Variants in PLD5 observed in about 807,000 individuals in gnomAD.
PLD5 encodes phospholipase D family member 5.
In PLD5, 36 loss-of-function variants were observed where a neutral mutation model predicts 61.1. The ratio of observed to expected loss-of-function variants is 0.59; its 90% CI spans 0.45 to 0.78. The LOEUF is 0.78. Among genes scored for constraint, PLD5 ranks in the 30% least tolerant of loss-of-function variants. The probability of loss-of-function intolerance (pLI) is 0.00; values close to 1 mark genes in which losing one functional copy is unlikely to be tolerated. For synonymous variants in PLD5, 243 were observed against 242.8 expected, an observed-to-expected ratio of 1.00 and a Z score of -0.01; for missense variants, 515 against 644.4, an observed-to-expected ratio of 0.80 and a Z score of 2.17.
chr1:242,423,663 C>A (rs900038064), intron 1 of PLD5, among the ~76,000 whole-genome samples: 1 of 152,016 alleles, frequency 6.6e-6, no homozygotes, highest in Non-Finnish European at 1.5e-5. Flanking sequence ...ATAAACAAAC[C>A]CATCAGCCAT....
chr1:242,513,529 G>T (rs897576330), intron 1 of PLD5, among the ~76,000 whole-genome samples: 9 of 152,158 alleles, frequency 5.9e-5, no homozygotes, highest in Non-Finnish European at 1.2e-4. Flanking sequence ...CAGGTTTTAG[G>T]TTTAGAAATG....
At chr1:242,342,682 AG>A in intron 2 of PLD5, among the ~76,000 whole-genome samples, 1 of 152,264 alleles carries the variant, frequency 6.6e-6, no homozygotes, top group Middle Eastern at 3.4e-3. Flanking sequence ...TAAAGTTATA[AG>A]GACCAAATAA....
intron 1 of PLD5, among the ~76,000 whole-genome samples, chr1:242,486,176 C>T (rs1178474987): frequency 1.3e-5 from 2 of 152,138 alleles, no homozygotes. Context: ...ATGTCGAAAA[C>T]ACCAAAAGCA....
chr1:242,103,017 T>G (rs1182674048), intron 8 of PLD5, among the ~76,000 whole-genome samples: 1 of 152,210 alleles, frequency 6.6e-6, no homozygotes, highest in Non-Finnish European at 1.5e-5. Flanking sequence ...GGTGCCCTAG[T>G]GGCAGGTGTG....
At position 242,099,152 on chromosome 1, in the gene PLD5, C is replaced by T. The variant is rs142102118; in HGVS notation, c.1354+1516G>A. ...TTTTATTTTTTTTGAGGAGGAGTCC[C>T]ACCTTGTCACCCTGGCTGGAGTGCA... On this transcript the variant is annotated intron_variant, in intron 9 of 9. Coordinates refer to ENST00000536534, the MANE Select transcript of PLD5 (RefSeq NM_001372062.1). Among the ~76,000 whole-genome samples, 34 of 152,138 alleles carry T rather than the reference C, an allele frequency of 2.2e-4. 1 individual carries two copies. The East Asian group carries it at 6.4e-3, about 29-fold the overall frequency.
At chr1:242,394,786 ATG>A (rs1663336515) in intron 1 of PLD5, among the ~76,000 whole-genome samples, 1 of 89,946 alleles carries the variant, frequency 1.1e-5, no homozygotes, top group Non-Finnish European at 2.1e-5. Context: ...ATGTGTATAT[ATG>A]TGAATATATA....
intron 8 of PLD5, among the ~76,000 whole-genome samples, chr1:242,104,112 C>T (rs1660872079): frequency 6.6e-6 from 1 of 151,568 alleles, no homozygotes; most frequent in Non-Finnish European, 1.5e-5. Flanking sequence ...TGAGCAGATG[C>T]AGTATATGAT....
At chr1:242,403,462 G>C (rs1220459399) in intron 1 of PLD5, among the ~76,000 whole-genome samples, 1 of 147,232 alleles carries the variant, frequency 6.8e-6, no homozygotes, top group Non-Finnish European at 1.5e-5. Flanking sequence ...TCAGTTCTTG[G>C]ATAGGCTTTT....
intron 4 of PLD5, among the ~76,000 whole-genome samples, chr1:242,231,095 T>G (rs901885487): frequency 2.6e-5 from 4 of 152,212 alleles, no homozygotes; most frequent in Non-Finnish European, 5.9e-5. Flanking sequence ...TGCATAAAAT[T>G]TAAACATTCT....
intron 2 of PLD5, among the ~76,000 whole-genome samples, chr1:242,317,294 C>T (rs1352463129): frequency 6.6e-6 from 1 of 152,196 alleles, no homozygotes; most frequent in African/African-American, 2.4e-5. Flanking sequence ...GGATTAGAGG[C>T]ATGAGCCACT....
At chr1:242,284,231 G>A (rs578128863) in intron 3 of PLD5, among the ~76,000 whole-genome samples, 7 of 137,884 alleles carry the variant, frequency 5.1e-5, no homozygotes, top group African/African-American at 1.4e-4. Context: ...TCCGCCTCCC[G>A]GGTTCCAGCA....
At chr1:242,313,813 A>G (rs3863746) in intron 2 of PLD5, among the ~76,000 whole-genome samples, 47,560 of 151,726 alleles carry the variant, frequency 0.31, 8,839 homozygotes, top group African/African-American at 0.51. Flanking sequence ...TGCTTCATTG[A>G]TCTTGCACTA....
chr1:242,433,304 A>G (rs1665819845), intron 1 of PLD5, among the ~76,000 whole-genome samples: 4 of 152,182 alleles, frequency 2.6e-5, no homozygotes, highest in Admixed American at 2.0e-4. Flanking sequence ...ATATATAGTG[A>G]AAAGTAGGTG....
chr1:242,380,276 C>T (rs1572017378), intron 1 of PLD5, among the ~76,000 whole-genome samples: 1 of 152,202 alleles, frequency 6.6e-6, no homozygotes, highest in African/African-American at 2.4e-5. Flanking sequence ...GTGCTCTTTT[C>T]TGCCTTTGGA....
intron 5 of PLD5, among the ~76,000 whole-genome samples, chr1:242,175,185 G>A (rs1008440269): frequency 2.6e-5 from 4 of 152,112 alleles, no homozygotes; most frequent in Non-Finnish European, 5.9e-5. Flanking sequence ...TGATGAACAT[G>A]GATGTGAAAA....
chr1:242,497,091 T>G (rs1222142352), intron 1 of PLD5, among the ~76,000 whole-genome samples: 1 of 152,192 alleles, frequency 6.6e-6, no homozygotes, highest in African/African-American at 2.4e-5. Context: ...GCCTACGTCT[T>G]AACTTTCATG....
chr1:242,305,955 AG>A (rs35375313), intron 2 of PLD5, among the ~76,000 whole-genome samples: 1 of 152,152 alleles, frequency 6.6e-6, no homozygotes, highest in African/African-American at 2.4e-5. Flanking sequence ...ACAACTGGAA[AG>A]GGGGGGAAGT....
intron 5 of PLD5, among the ~76,000 whole-genome samples, chr1:242,161,025 C>G (rs1237159767): frequency 6.6e-6 from 1 of 150,522 alleles, no homozygotes; most frequent in Non-Finnish European, 1.5e-5. Context: ...CTTTTTTTAT[C>G]AGTATTTTTA....
At chr1:242,275,805 G>C (rs1393366939) in intron 3 of PLD5, among the ~76,000 whole-genome samples, 2 of 152,170 alleles carry the variant, frequency 1.3e-5, no homozygotes, top group Non-Finnish European at 2.9e-5. Flanking sequence ...CAGGAGACAG[G>C]AGAGATAAAT....
Sources: gnomAD v4.1 joint callset for allele counts (sites outside exome capture counted in the v4.1 genomes callset) on GRCh38, gnomAD v4.1.1 for gene constraint, MANE v1.5 for transcripts, NCBI Gene and HGNC (gene_info 2026-07-23, HGNC 2026-07-21) for gene names.